The following SNUPN variants were observed in gnomAD, a reference collection of about 807,000 sequenced individuals.
SNUPN encodes snurportin-1.
A neutral mutation model predicts 39.2 loss-of-function variants in SNUPN; 31 were observed. That is an observed-to-expected ratio of 0.79 (90% CI 0.59 to 1.07). The LOEUF (loss-of-function observed/expected upper bound fraction) is 1.07, where lower values mean the gene tolerates loss of function less well. SNUPN is among the 50% of genes least tolerant of loss of function. The pLI is 0.00. For missense variants in SNUPN, 382 were observed against 434.2 expected (o/e 0.88, Z 1.07); for synonymous variants, 132 against 159.0 (o/e 0.83, Z 1.28).
intron 2 of SNUPN, among the ~76,000 whole-genome samples, chr15:75,619,810 G>A (rs1397863912): frequency 6.6e-6 from 1 of 151,858 alleles, no homozygotes; most frequent in African/African-American, 2.4e-5. Context: ...GTGCAATGGC[G>A]CGATTTCGGC....
chr15:75,600,951 G>A (rs1347488657), intron 8 of SNUPN, 187 bp downstream of exon 8: 1 of 537,820 alleles, frequency 1.9e-6, no homozygotes, highest in African/African-American at 1.9e-5. Flanking sequence ...CCAGCATTCT[G>A]ACTTATCCAG....
At chr15:75,603,950 T>C (rs2075311240) in intron 7 of SNUPN, among the ~76,000 whole-genome samples, 3 of 152,114 alleles carry the variant, frequency 2.0e-5, no homozygotes, top group South Asian at 4.1e-4. Context: ...ATCTGTAAAA[T>C]GGGATAACAA....
intron 3 of SNUPN, among the ~76,000 whole-genome samples, chr15:75,616,770 T>C: frequency 6.6e-6 from 1 of 152,236 alleles, no homozygotes; most frequent in Admixed American, 6.5e-5. Context: ...TCTTTCCCTA[T>C]GGTACCACAG....
chr15:75,621,766 G>A (rs1386982047), intron 1 of SNUPN, among the ~76,000 whole-genome samples: 1 of 152,172 alleles, frequency 6.6e-6, no homozygotes, highest in African/African-American at 2.4e-5. Context: ...CGCCAGGCAC[G>A]ATGGCTCATG....
In SNUPN at chr15:75,607,227, A is replaced by G; in HGVS notation, c.589T>C (p.Tyr197His). Residue 197 changes from tyrosine to histidine, a missense_variant, in exon 6 of 9, where the codon TAT (tyrosine) becomes CAT (histidine). Physicochemically the swap from Tyr to His is moderately conservative, Grantham distance 83. Transcript: ENST00000308588. ...DVMCWRGHPF[Y>H]DCQTDFRFYW... ...GGATCCATCCCTACCTGGCAATCAT[A>G]AAAAGGGTGTCCCCGCCAGCACATC... is the stretch of plus-strand genomic sequence containing the variant. The G allele has an allele frequency of 6.2e-7, 1 of 1,611,734 alleles. No individual in the cohort carries two copies. The highest frequency in any genetic ancestry group is 8.5e-7 in the Non-Finnish European group (1 of 1,177,876).
chr15:75,598,235 A>G lies in SNUPN; in HGVS notation c.*123T>C. The stretch of plus-strand genomic sequence containing the variant: ...TTCAGATTATAGATAAGCTGTTTCC[A>G]GCTGGACTGGGTTTGGAAAGTTCAC... On this transcript the variant is annotated 3_prime_UTR_variant, in exon 9 of 9. Transcript: ENST00000308588. 1.4e-6 allele frequency: 1 copy of G among 725,688 alleles called. No individual in the cohort carries two copies. Among genetic ancestry groups the G allele is most frequent in the Non-Finnish European group, 2.2e-6 (1 of 448,004 alleles). 45.0% of individuals were successfully genotyped at this position (725,688 alleles called of 1,614,324 possible). A position where few individuals can be genotyped will look rare whatever the true frequency, so the allele number is the denominator to read the frequency against.
At chr15:75,621,557 C>T (rs1034896588) in intron 1 of SNUPN, among the ~76,000 whole-genome samples, 4 of 152,106 alleles carry the variant, frequency 2.6e-5, no homozygotes, top group Middle Eastern at 3.2e-3. Flanking sequence ...CCACTGCGCC[C>T]GGCCTTTTCT....
intron 3 of SNUPN, among the ~76,000 whole-genome samples, 198 bp from the exon 4 acceptor site, chr15:75,610,192 G>T (rs530400723): frequency 6.6e-6 from 1 of 152,106 alleles, no homozygotes; most frequent in South Asian, 2.1e-4. Context: ...GAGGTCAGGA[G>T]TTCAAGACCA....
chr15:75,625,659 G>A lies in SNUPN; in HGVS notation c.-6+7C>T, dbSNP rs1430213896. On this transcript the variant is annotated splice_region_variant and intron_variant, in intron 1 of 8. Coordinates refer to ENST00000308588, the MANE Select transcript of SNUPN (RefSeq NM_005701.4). ...GGCGGGGCCCGGGCTCGAACCCAGG[G>A]ACTCACCCAAACCGAGGTGACCGTC... 1.3e-5 allele frequency: 2 copies of A among 151,448 alleles called. No individual in the cohort carries two copies. The highest frequency in any genetic ancestry group is 4.9e-5 in the African/African-American group (2 of 41,070). The allele number at this position is 151,448 out of a possible 1,614,324, so 9.4% of individuals were successfully genotyped here.
At chr15:75,623,360 A>G (rs1191958263) in intron 1 of SNUPN, among the ~76,000 whole-genome samples, 1 of 151,494 alleles carries the variant, frequency 6.6e-6, no homozygotes, top group South Asian at 2.1e-4. Context: ...CGTGTTAGCC[A>G]GGATGGTCTC....
At chr15:75,619,649 A>G (rs1306075135) in intron 2 of SNUPN, among the ~76,000 whole-genome samples, 2 of 152,092 alleles carry the variant, frequency 1.3e-5, no homozygotes, top group African/African-American at 4.8e-5. Context: ...ATATATATAT[A>G]TTTGGAAGGA....
chr15:75,616,929 C>T (rs1400764755), intron 3 of SNUPN, among the ~76,000 whole-genome samples: 1 of 152,158 alleles, frequency 6.6e-6, no homozygotes, highest in East Asian at 1.9e-4. Flanking sequence ...AGCTGTACTT[C>T]CCACTTGCCA....
intron 2 of SNUPN, 139 bp from the exon 3 acceptor site, chr15:75,617,691 C>A (rs1177413050): frequency 3.4e-6 from 3 of 876,536 alleles, no homozygotes; most frequent in Non-Finnish European, 5.1e-6. Flanking sequence ...AAGTGATCTT[C>A]CCACCTCAGC....
intron 6 of SNUPN, among the ~76,000 whole-genome samples, chr15:75,606,290 A>G (rs2075330544): frequency 6.6e-6 from 1 of 152,192 alleles, no homozygotes; most frequent in Non-Finnish European, 1.5e-5. Context: ...TCTGAGTACC[A>G]ATACCTAGTG....
At position 75,620,994 on chromosome 15, in the gene SNUPN, T is replaced by C; in HGVS notation, c.58A>G (p.Ser20Gly). The change falls in exon 2 of 9, where the codon AGC becomes GGC. Residue 20 changes from serine (S) to glycine (G), a missense_variant. Ser to Gly is a moderately conservative substitution (Grantham distance 56). Transcript: ENST00000308588. ...AGGCGGGGGTGTGGGGCAGCTGTGC[T>C]GTTCAGATCTTGAGACACAGAAAAG... ...SSFSVSQDLN[S>G]TAAPHPRLSQ... 4 of 1,614,178 alleles carry C rather than the reference T, an allele frequency of 2.5e-6. No individual in the cohort carries two copies. The highest frequency in any genetic ancestry group is 3.4e-6 in the Non-Finnish European group (4 of 1,180,016).
rs758707379 is a variant in SNUPN at position 75,620,921 on chromosome 15, C to A, written c.131G>T (p.Arg44Leu). The A allele has an allele frequency of 3.7e-6, 6 of 1,613,298 alleles. No individual in the cohort carries two copies. The East Asian group carries it at 1.1e-4, about 30-fold the overall frequency. ...KYSSLEQSER[R>L]RRLLELQKSK... Reference sequence around the variant, plus strand: ...TTTCTGCAGTTCCAGTAACCTCCGGCGGCGCTCACTCTGCTCCAAGGAACT... The same window carrying A: ...TTTCTGCAGTTCCAGTAACCTCCGGAGGCGCTCACTCTGCTCCAAGGAACT... Residue 44 changes from arginine (R) to leucine (L), a missense_variant, in exon 2 of 9, where the codon CGC becomes CTC. By Grantham distance (102) the Arg-to-Leu change is moderately radical (BLOSUM62 -2). Transcript: ENST00000308588.
intron 5 of SNUPN, among the ~76,000 whole-genome samples, chr15:75,608,285 A>G (rs1405156056): frequency 6.6e-6 from 1 of 152,118 alleles, no homozygotes; most frequent in Non-Finnish European, 1.5e-5. Flanking sequence ...CAGGAAATTG[A>G]GGTGGGAGGA....
intron 7 of SNUPN, among the ~76,000 whole-genome samples, chr15:75,603,431 G>A (rs1300840139): frequency 6.7e-6 from 1 of 149,334 alleles, no homozygotes; most frequent in Non-Finnish European, 1.5e-5. Context: ...GGAGGCTGAG[G>A]CAGGCAGATC....
At chr15:75,606,292 T>TACCTAGTGTGTTTTGGAA (rs2075330562) in intron 6 of SNUPN, among the ~76,000 whole-genome samples, 1 of 152,156 alleles carries the variant, frequency 6.6e-6, no homozygotes, top group African/African-American at 2.4e-5. Context: ...TGAGTACCAA[T>TACCTAGTGTGTTTTGGAA]ACCTAGTGTG....
Sources: gnomAD v4.1 joint callset for allele counts (sites outside exome capture counted in the v4.1 genomes callset) on GRCh38, gnomAD v4.1.1 for gene constraint, MANE v1.5 for transcripts, NCBI Gene and HGNC (gene_info 2026-07-23, HGNC 2026-07-21) for gene names.